FRYL: variants seen among roughly 807,000 people sequenced by gnomAD.
FRYL encodes protein furry homolog-like.
FRYL carries 150 observed loss-of-function variants against 351.2 expected under a neutral mutation model. That is an observed-to-expected ratio of 0.43 (90% confidence interval 0.37 to 0.49). The LOEUF (loss-of-function observed/expected upper bound fraction) is 0.49. FRYL is among the 20% of genes least tolerant of loss of function. The pLI is 0.00. For synonymous variants in FRYL, 1,153 were observed against 1,257.1 expected (o/e 0.92, Z 1.75); for missense variants, 3,036 against 3,619.3 (o/e 0.84, Z 4.13).
chr4:48,721,525 A>C (rs1769472217), intron 1 of FRYL, among the ~76,000 whole-genome samples: 1 of 152,152 alleles, frequency 6.6e-6, no homozygotes, highest in Non-Finnish European at 1.5e-5. Flanking sequence ...AAAAAATAAA[A>C]GGTGGAAGTC....
intron 1 of FRYL, among the ~76,000 whole-genome samples, chr4:48,725,779 G>C (rs1295252971): frequency 1.3e-5 from 2 of 152,088 alleles, no homozygotes; most frequent in Non-Finnish European, 2.9e-5. Context: ...AGTGATGCTG[G>C]CATATTGTTA....
chr4:48,675,537 C>T (rs995003080), intron 3 of FRYL, among the ~76,000 whole-genome samples: 1 of 152,244 alleles, frequency 6.6e-6, no homozygotes, highest in Admixed American at 6.5e-5. Flanking sequence ...AGCCCACCAG[C>T]GCTGCGCTCG....
chr4:48,667,989 T>C (rs1306480395), intron 3 of FRYL, among the ~76,000 whole-genome samples: 3 of 152,208 alleles, frequency 2.0e-5, no homozygotes. Context: ...TACTTGTATG[T>C]AGCTCTCTGA....
At chr4:48,700,385 C>G (rs1766601718) in intron 2 of FRYL, among the ~76,000 whole-genome samples, 2 of 152,170 alleles carry the variant, frequency 1.3e-5, no homozygotes. Flanking sequence ...CTACTAGTTA[C>G]ATAAATCCTA....
intron 57 of FRYL, 30 bp downstream of exon 57, chr4:48,512,451 A>G (rs1334520759): frequency 3.3e-6 from 5 of 1,498,698 alleles, no homozygotes; most frequent in Non-Finnish European, 4.6e-6. Flanking sequence ...TAACTATAAT[A>G]TGAATTCAGA....
intron 53 of FRYL, 94 bp from the exon 54 acceptor site, chr4:48,523,198 A>G: frequency 1.3e-6 from 1 of 775,366 alleles, no homozygotes; most frequent in Non-Finnish European, 2.1e-6. Context: ...CAAGATGAAA[A>G]ATACTTAATG....
intron 3 of FRYL, chr4:48,653,655 G>T: frequency 8.8e-7 from 1 of 1,131,980 alleles, no homozygotes; most frequent in Non-Finnish European, 1.2e-6. Context: ...AGCATGCAAG[G>T]AATGGCAATG....
At chr4:48,697,538 T>A (rs1021436247) in intron 2 of FRYL, among the ~76,000 whole-genome samples, 5 of 152,162 alleles carry the variant, frequency 3.3e-5, no homozygotes, top group Non-Finnish European at 5.9e-5. Flanking sequence ...TCCCCCAGGC[T>A]GCGGTGTCTC....
At chr4:48,632,106 A>ATATATATGTATATATC (rs71191242) in intron 4 of FRYL, among the ~76,000 whole-genome samples, 1 of 58,202 alleles carries the variant, frequency 1.7e-5, no homozygotes, top group Non-Finnish European at 3.7e-5. Flanking sequence ...ATATATATAT[A>ATATATATGTATATATC]TATATATATA....
chr4:48,620,687 T>C lies in FRYL; in HGVS notation c.266A>G (p.Glu89Gly). ...FDWYRRQNGT[E>G]DESYEYRPRS... The stretch of plus-strand genomic sequence containing the variant: ...AGGCCTATATTCATAAGATTCATCT[T>C]CCGTTCCATTTTGGCGTCTGTACCA... Residue 89 changes from glutamate (E) to glycine (G), a missense_variant, in exon 6 of 64, where the codon GAA (glutamate) becomes GGA (glycine). Physicochemically the swap from Glu to Gly is moderately conservative, Grantham distance 98 (BLOSUM62 -2). Coordinates refer to ENST00000358350, the MANE Select transcript of FRYL (RefSeq NM_015030.2). 6.2e-7 allele frequency: 1 copy of C among 1,613,938 alleles called. No individual in the cohort carries two copies. The highest frequency in any genetic ancestry group is 8.5e-7 in the Non-Finnish European group (1 of 1,179,844).
rs898732534 is a variant in FRYL at position 48,543,447 on chromosome 4, T to C, written c.5592+360A>G. The stretch of plus-strand genomic sequence containing the variant: ...TTCATCTGTACAAACTGAAGTTCTC[T>C]AGTGCAACAGTTCATTTATCTTAAA... On this transcript the variant is annotated intron_variant, in intron 44 of 63. Coordinates refer to ENST00000358350, the MANE Select transcript of FRYL (RefSeq NM_015030.2). Among the ~76,000 whole-genome samples, 26 of 152,224 alleles carry C rather than the reference T, an allele frequency of 1.7e-4. 1 individual carries two copies. The highest frequency in any genetic ancestry group is 3.2e-4 in the Non-Finnish European group (22 of 68,040).
Position 48,753,870 on chromosome 4 carries a change from G to A in FRYL, c.-384+26208C>T, listed in dbSNP as rs190975203. Among the ~76,000 whole-genome samples the A allele has an allele frequency of 3.9e-5, 6 of 151,960 alleles. No homozygotes were observed. In the East Asian group the frequency reaches 5.8e-4, roughly 15 times the overall value. ...GTGGAAATCCAGATGTCTCAGTATC[G>A]TTTGTTGAACAGATCCCGCATTTCC... On this transcript the variant is annotated intron_variant, in intron 1 of 63. Coordinates refer to ENST00000358350, the MANE Select transcript of FRYL (RefSeq NM_015030.2).
intron 36 of FRYL, among the ~76,000 whole-genome samples, chr4:48,552,986 GTA>G (rs912196666): frequency 6.6e-5 from 10 of 151,648 alleles, no homozygotes; most frequent in African/African-American, 1.5e-4. Context: ...ATATAGGTGT[GTA>G]TATATATATA....
In FRYL at chr4:48,565,026, C is replaced by T. The variant is rs761083798; in HGVS notation, c.3348G>A (p.Leu1116=). Residue 1116 remains leucine, a synonymous_variant, in exon 30 of 64, where the codon CTG becomes CTA. Coordinates refer to ENST00000358350, the MANE Select transcript of FRYL (RefSeq NM_015030.2). ...YCALKAMSAV[L]CCGPVADNVG... is the part of the protein sequence containing the mutation. The stretch of plus-strand genomic sequence containing the variant: ...CATTATCTGCAACAGGGCCACAACA[C>T]AGTACAGCAGACATAGCCTTCAAAT... The T allele has an allele frequency of 6.4e-7, 1 of 1,574,462 alleles. No individual in the cohort carries two copies. Among genetic ancestry groups the T allele is most frequent in the Admixed American group, 1.8e-5 (1 of 56,532 alleles).
chr4:48,677,504 G>C (rs1052127861), intron 3 of FRYL, among the ~76,000 whole-genome samples: 2 of 151,576 alleles, frequency 1.3e-5, no homozygotes, highest in African/African-American at 4.8e-5. Context: ...TCATCCTCCC[G>C]GGTTCAAGCG....
intron 1 of FRYL, among the ~76,000 whole-genome samples, chr4:48,743,859 C>T (rs1772383289): frequency 6.6e-6 from 1 of 152,150 alleles, no homozygotes; most frequent in African/African-American, 2.4e-5. Context: ...TCCAGCCTAC[C>T]CCGCAGATTT....
At chr4:48,672,895 A>T (rs1009560711) in intron 3 of FRYL, among the ~76,000 whole-genome samples, 32 of 152,348 alleles carry the variant, frequency 2.1e-4, no homozygotes, top group African/African-American at 7.2e-4. Flanking sequence ...CCCAACATTA[A>T]GAGTATCAAA....
chr4:48,705,985 C>A (rs185395985), intron 2 of FRYL, among the ~76,000 whole-genome samples: 2 of 152,250 alleles, frequency 1.3e-5, no homozygotes, highest in East Asian at 1.9e-4. Context: ...TACAGGCACA[C>A]GCCACCACTC....
At chr4:48,604,821 G>A (rs1342119659) in intron 11 of FRYL, among the ~76,000 whole-genome samples, 4 of 152,142 alleles carry the variant, frequency 2.6e-5, no homozygotes, top group African/African-American at 4.8e-5. Flanking sequence ...CAGGCAACAC[G>A]ATGATAATGG....
Sources: gnomAD v4.1 joint callset for allele counts (sites outside exome capture counted in the v4.1 genomes callset) on GRCh38, gnomAD v4.1.1 for gene constraint, MANE v1.5 for transcripts, NCBI Gene and HGNC (gene_info 2026-07-23, HGNC 2026-07-21) for gene names.